Variants in NCOA2 observed in about 807,000 individuals in gnomAD.
NCOA2 encodes the protein nuclear receptor coactivator 2.
In NCOA2, 21 loss-of-function variants were observed where a neutral mutation model predicts 145.1. That is an observed-to-expected ratio of 0.14 (90% CI 0.10 to 0.21). The LOEUF is 0.21. Ranked by LOEUF, NCOA2 falls within the 10% of genes least tolerant of loss-of-function variation. NCOA2 has a pLI of 1.00. For missense variants in NCOA2, 1,472 were observed against 1,837.6 expected (o/e 0.80, Z 3.64); for synonymous variants, 619 against 637.5 (o/e 0.97, Z 0.44).
intron 2 of NCOA2, among the ~76,000 whole-genome samples, chr8:70,248,036 T>A (rs930549747): frequency 1.3e-5 from 2 of 152,204 alleles, no homozygotes; most frequent in African/African-American, 4.8e-5. Flanking sequence ...AATTTTAAAC[T>A]TTTTTCTTCA....
In NCOA2 at chr8:70,156,263, A is replaced by G. The variant is rs772425820; in HGVS notation, c.2102T>C (p.Val701Ala). 2 of 1,613,846 alleles carry G rather than the reference A, an allele frequency of 1.2e-6. No homozygotes were observed. Among genetic ancestry groups the G allele is most frequent in the Non-Finnish European group, 1.7e-6 (2 of 1,179,888 alleles). ...TTCTGCTGTTAACTTGGCCAAGTCCACAGGGGAACTGCTGTCCTGCAAGAG... is the reference window on the plus strand; with the variant it reads ...TTCTGCTGTTAACTTGGCCAAGTCCGCAGGGGAACTGCTGTCCTGCAAGAG... The part of the protein sequence containing the change: ...HRLLQDSSSP[V>A]DLAKLTAEAT... The change falls in exon 11 of 23, where the codon GTG (valine) becomes GCG (alanine). Residue 701 changes from valine to alanine, a missense_variant. Transcript: ENST00000452400.
intron 2 of NCOA2, among the ~76,000 whole-genome samples, chr8:70,229,095 AACAGGTCTCTTTTGGTATTAAAAT>A (rs1364999352): frequency 2.0e-5 from 3 of 152,362 alleles, no homozygotes; most frequent in East Asian, 3.9e-4. Context: ...TTCTAATTAA[AACAGGTCTCTTTTGGTATTAAAAT>A]ACAGCCTAAA....
chr8:70,306,118 G>A (rs1457130096), intron 1 of NCOA2, among the ~76,000 whole-genome samples: 1 of 152,120 alleles, frequency 6.6e-6, no homozygotes, highest in Non-Finnish European at 1.5e-5. Flanking sequence ...AAACATTGAG[G>A]AATACTGGAG....
At position 70,222,857 on chromosome 8, in the gene NCOA2, T is replaced by TA. The variant is rs1820276855; in HGVS notation, c.-19-6094dup. On this transcript the variant is annotated intron_variant, in intron 2 of 22. Transcript: ENST00000452400. ...ATACATAAGTAGCAGGGAGCTGTTC[T>TA]AAACTATCATTACCAACATGGGCGA... 2.6e-5 allele frequency among the ~76,000 whole-genome samples: 4 copies of TA among 152,222 alleles called. No individual in the cohort carries two copies. The South Asian group carries it at 8.3e-4, about 31-fold the overall frequency.
chr8:70,241,749 C>T (rs1822155123), intron 2 of NCOA2, among the ~76,000 whole-genome samples: 1 of 152,088 alleles, frequency 6.6e-6, no homozygotes, highest in Non-Finnish European at 1.5e-5. Context: ...TTTACCTCTC[C>T]ATGTCTCCAT....
chr8:70,298,516 T>C (rs1306812590), intron 1 of NCOA2, among the ~76,000 whole-genome samples: 3 of 152,174 alleles, frequency 2.0e-5, no homozygotes, highest in East Asian at 1.9e-4. Context: ...ACTTAAGTAA[T>C]AGGAGTCATC....
chr8:70,401,046 T>G (rs533583811), intron 1 of NCOA2, among the ~76,000 whole-genome samples: 2 of 152,084 alleles, frequency 1.3e-5, no homozygotes, highest in Non-Finnish European at 2.9e-5. Flanking sequence ...AAAGGGAGCA[T>G]TACTTCTGTC....
At chr8:70,352,492 C>A (rs565668959) in intron 1 of NCOA2, among the ~76,000 whole-genome samples, 1 of 152,262 alleles carries the variant, frequency 6.6e-6, no homozygotes, top group South Asian at 2.1e-4. Context: ...TTTCCTAATG[C>A]CATTTTGTGT....
intron 4 of NCOA2, among the ~76,000 whole-genome samples, chr8:70,188,798 CAAGA>C (rs1816354286): frequency 6.6e-6 from 1 of 152,044 alleles, no homozygotes; most frequent in African/African-American, 2.4e-5. Context: ...CAGAAACTTA[CAAGA>C]AAGAAAAGTA....
chr8:70,150,174 C>T (rs1231007454), intron 11 of NCOA2, among the ~76,000 whole-genome samples: 1 of 152,150 alleles, frequency 6.6e-6, no homozygotes, highest in Non-Finnish European at 1.5e-5. Context: ...AATTACAAGA[C>T]CATTTTTTAG....
intron 1 of NCOA2, among the ~76,000 whole-genome samples, chr8:70,368,678 T>G (rs1810930828): frequency 6.6e-6 from 1 of 152,220 alleles, no homozygotes; most frequent in Non-Finnish European, 1.5e-5. Context: ...AAACTGTATT[T>G]ATATAAAAAT....
At chr8:70,384,357 T>C (rs539962281) in intron 1 of NCOA2, among the ~76,000 whole-genome samples, 17 of 152,226 alleles carry the variant, frequency 1.1e-4, no homozygotes, top group African/African-American at 4.1e-4. Context: ...TATTGTATAT[T>C]AAGCCACAGT....
chr8:70,139,158 A>C (rs1810086936), intron 14 of NCOA2, among the ~76,000 whole-genome samples: 1 of 152,260 alleles, frequency 6.6e-6, no homozygotes. Context: ...CCAATGGATG[A>C]GATGAGCTTT....
the NCOA2 span, among the ~76,000 whole-genome samples, chr8:70,450,210 A>G: frequency 6.6e-6 from 1 of 152,228 alleles, no homozygotes; most frequent in African/African-American, 2.4e-5. Flanking sequence ...AGTAACTATT[A>G]CATCCTGAAC....
At chr8:70,375,972 TATGAG>T (rs1344343280) in intron 1 of NCOA2, among the ~76,000 whole-genome samples, 1 of 152,186 alleles carries the variant, frequency 6.6e-6, no homozygotes, top group Non-Finnish European at 1.5e-5. Context: ...ATGGAAAACT[TATGAG>T]AGAAGAACTA....
intron 4 of NCOA2, among the ~76,000 whole-genome samples, chr8:70,199,392 AG>A (rs1332129310): frequency 3.3e-5 from 5 of 150,310 alleles, no homozygotes; most frequent in Admixed American, 1.3e-4. Context: ...TGGAGGTTGC[AG>A]AAAGCCAAGA....
intron 1 of NCOA2, chr8:70,402,168 C>G (rs1173179648): frequency 6.6e-6 from 1 of 152,528 alleles, no homozygotes; most frequent in Non-Finnish European, 1.5e-5. Context: ...CTCACCGACA[C>G]CCGGCAGGTC....
chr8:70,231,719 A>C (rs1442002072), intron 2 of NCOA2, among the ~76,000 whole-genome samples: 1 of 152,130 alleles, frequency 6.6e-6, no homozygotes, highest in Non-Finnish European at 1.5e-5. Flanking sequence ...CTGTCCTCTC[A>C]TTACACGTGT....
chr8:70,120,647 C>T (rs185708210), intron 22 of NCOA2, among the ~76,000 whole-genome samples: 12 of 152,054 alleles, frequency 7.9e-5, no homozygotes, highest in African/African-American at 1.7e-4. Flanking sequence ...CCTGAACCCG[C>T]GAGGTGGAGG....
Sources: allele counts gnomAD v4.1 joint callset (sites outside exome capture counted in the v4.1 genomes callset), GRCh38; gene constraint gnomAD v4.1.1; transcripts MANE v1.5; gene names NCBI Gene and HGNC (gene_info 2026-07-23, HGNC 2026-07-21).